NAV2: variants seen among roughly 807,000 people sequenced by gnomAD.
The protein encoded by NAV2 is neuron navigator 2, also known as helicase, APC down-regulated 1.
In NAV2, 54 loss-of-function variants were observed where a neutral mutation model predicts 223.2. The ratio of observed to expected loss-of-function variants is 0.24; its 90% CI spans 0.19 to 0.30. The LOEUF (loss-of-function observed/expected upper bound fraction) is 0.30. Ranked by LOEUF, NAV2 falls within the 10% of genes least tolerant of loss-of-function variation. The pLI is 1.00. For missense variants in NAV2, 2,806 were observed against 3,147.5 expected, an observed-to-expected ratio of 0.89 and a Z score of 2.60; for synonymous variants, 1,279 against 1,239.3, an observed-to-expected ratio of 1.03 and a Z score of -0.67.
Position 20,119,585 on chromosome 11 carries a change from C to G in NAV2, c.*1327C>G, listed in dbSNP as rs945269221. ...CTCCCAGAAGCCCCGTCTGGACGAG[C>G]CTTGCCTGACCTCTTCGGTGCTGAC... On this transcript the variant is annotated 3_prime_UTR_variant, in exon 38 of 38. Transcript: ENST00000349880. 1.3e-5 allele frequency: 2 copies of G among 152,690 alleles called. No individual in the cohort carries two copies. Among genetic ancestry groups the G allele is most frequent in the Non-Finnish European group, 2.9e-5 (2 of 68,084 alleles). 9.5% of individuals were successfully genotyped at this position (152,690 alleles called of 1,614,324 possible). A position where few individuals can be genotyped will look rare whatever the true frequency, so the allele number is the denominator to read the frequency against.
At chr11:19,478,093 A>G (rs1007439688) in intron 1 of NAV2, among the ~76,000 whole-genome samples, 2 of 152,220 alleles carry the variant, frequency 1.3e-5, no homozygotes, top group African/African-American at 4.8e-5. Flanking sequence ...AATAAGCTAT[A>G]TATGTTAAAA....
chr11:19,623,912 G>A (rs2047083874), intron 1 of NAV2, among the ~76,000 whole-genome samples: 1 of 152,112 alleles, frequency 6.6e-6, no homozygotes, highest in Admixed American at 6.5e-5. Flanking sequence ...TCTACCTTTG[G>A]TCTTTGATGA....
At chr11:19,352,810 G>A (rs188738203) in intron 1 of NAV2, among the ~76,000 whole-genome samples, 2 of 152,318 alleles carry the variant, frequency 1.3e-5, no homozygotes, top group African/African-American at 4.8e-5. Context: ...GATAGGCATT[G>A]TGATCGAGTT....
chr11:20,081,971 G>T (rs765043629), intron 25 of NAV2, among the ~76,000 whole-genome samples: 6 of 152,090 alleles, frequency 3.9e-5, no homozygotes, highest in Non-Finnish European at 7.4e-5. Flanking sequence ...TGCAACAGAG[G>T]CGGGGGGGAA....
At chr11:19,755,838 A>G (rs375670368) in intron 1 of NAV2, among the ~76,000 whole-genome samples, 1 of 152,214 alleles carries the variant, frequency 6.6e-6, no homozygotes, top group Non-Finnish European at 1.5e-5. Context: ...CAAATACGAT[A>G]TGGAGTTTTA....
intron 1 of NAV2, among the ~76,000 whole-genome samples, chr11:19,355,538 G>A (rs970544417): frequency 1.4e-4 from 22 of 151,900 alleles, no homozygotes; most frequent in African/African-American, 3.4e-4. Context: ...CAATTTCCTC[G>A]TCACTTGGGT....
Position 19,934,291 on chromosome 11 carries a change from C to T in NAV2, c.2033+14C>T. 1 of 1,553,064 alleles carries T rather than the reference C, an allele frequency of 6.4e-7. No individual in the cohort carries two copies. Among genetic ancestry groups the T allele is most frequent in the Non-Finnish European group, 8.7e-7 (1 of 1,148,362 alleles). On this transcript the variant is annotated intron_variant, in intron 7 of 37. Coordinates refer to ENST00000349880, the MANE Select transcript of NAV2 (RefSeq NM_145117.5). ...TTTCCTGTACAGGTAGGAGCTGCCA[C>T]CCACCTGTGCTGCCTGGGACATTGG...
At chr11:19,483,320 C>T (rs924456772) in intron 1 of NAV2, among the ~76,000 whole-genome samples, 4 of 152,188 alleles carry the variant, frequency 2.6e-5, no homozygotes, top group African/African-American at 9.6e-5. Context: ...CTCCATTTTC[C>T]CAGTGTATTT....
intron 11 of NAV2, among the ~76,000 whole-genome samples, chr11:20,014,667 C>T (rs1317744528): frequency 6.6e-6 from 1 of 152,132 alleles, no homozygotes; most frequent in Non-Finnish European, 1.5e-5. Context: ...TTTCGGAGGC[C>T]AAGGCAGGTG....
At chr11:19,794,745 G>T (rs543532343) in intron 1 of NAV2, among the ~76,000 whole-genome samples, 67 of 152,108 alleles carry the variant, frequency 4.4e-4, no homozygotes, top group Non-Finnish European at 8.2e-4. Context: ...TGTCTAGAGA[G>T]AAAATGCCAA....
chr11:19,929,212 C>T (rs556381389), intron 6 of NAV2, among the ~76,000 whole-genome samples: 3 of 152,032 alleles, frequency 2.0e-5, no homozygotes, highest in Admixed American at 1.3e-4. Flanking sequence ...AAGATCGAGC[C>T]GCTGCACTGC....
At chr11:19,851,818 A>G (rs2061154143) in intron 3 of NAV2, among the ~76,000 whole-genome samples, 1 of 152,336 alleles carries the variant, frequency 6.6e-6, no homozygotes, top group East Asian at 1.9e-4. Flanking sequence ...AGACTTTCCA[A>G]ATGCGATTAA....
intron 1 of NAV2, among the ~76,000 whole-genome samples, chr11:19,484,579 T>C (rs1376168710): frequency 6.6e-6 from 1 of 152,090 alleles, no homozygotes; most frequent in Non-Finnish European, 1.5e-5. Context: ...ATTCTCAGGG[T>C]TGGATCCCTC....
chr11:20,049,956 C>T (rs984754156), intron 16 of NAV2, 55 bp downstream of exon 16: 14 of 1,551,072 alleles, frequency 9.0e-6, no homozygotes, highest in East Asian at 9.0e-5. Flanking sequence ...TCTGCCCATT[C>T]GTTGTCAAGC....
At position 20,041,063 on chromosome 11, in the gene NAV2, A is replaced by G. The variant is rs117080739; in HGVS notation, c.2908-2918A>G. Among the ~76,000 whole-genome samples the G allele has an allele frequency of 6.2e-3, 942 of 152,192 alleles. 5 individuals carry two copies. The highest frequency in any genetic ancestry group is 0.017 in the Middle Eastern group (5 of 294). On this transcript the variant is annotated intron_variant, in intron 12 of 37. Coordinates refer to ENST00000349880, the MANE Select transcript of NAV2 (RefSeq NM_145117.5). ...CTGTCTCTGCCACTGATGGAAATGG[A>G]GTTGTATGGGTCCCACCTAGAGGCT...
intron 1 of NAV2, among the ~76,000 whole-genome samples, chr11:19,596,094 G>A (rs1565085342): frequency 6.6e-6 from 1 of 152,090 alleles, no homozygotes; most frequent in Non-Finnish European, 1.5e-5. Context: ...CCAGTAATGG[G>A]CTGCAACCCA....
intron 1 of NAV2, among the ~76,000 whole-genome samples, chr11:19,802,956 T>C (rs2058354482): frequency 6.6e-6 from 1 of 152,164 alleles, no homozygotes; most frequent in Non-Finnish European, 1.5e-5. Flanking sequence ...AAACAGCCAT[T>C]TTGATCACAG....
rs77068398 is a variant in NAV2, at chr11:19,926,147, T to G, written c.932-7029T>G. 7.2e-5 allele frequency among the ~76,000 whole-genome samples: 11 copies of G among 152,352 alleles called. No individual in the cohort carries two copies. In the East Asian group the frequency reaches 2.1e-3, roughly 29 times the overall value. ...CACTGGAATTTTGATAAGGATTGCA[T>G]TAACCAAACAACTTTTAAAAAACAT... On this transcript the variant is annotated intron_variant, in intron 6 of 37. Transcript: ENST00000349880.
chr11:20,065,535 C>CA (rs1327728811), intron 20 of NAV2, among the ~76,000 whole-genome samples: 1 of 152,236 alleles, frequency 6.6e-6, no homozygotes, highest in Admixed American at 6.5e-5. Flanking sequence ...TGGTAGGGAA[C>CA]ACTGGAGTTC....
Sources: gnomAD v4.1 joint callset for allele counts (sites outside exome capture counted in the v4.1 genomes callset) on GRCh38, gnomAD v4.1.1 for gene constraint, MANE v1.5 for transcripts, NCBI Gene and HGNC (gene_info 2026-07-23, HGNC 2026-07-21) for gene names.